Variants in VEPH1 observed in about 807,000 individuals in gnomAD.
VEPH1 encodes ventricular zone expressed PH domain containing 1, also known as ventricular zone-expressed PH domain-containing protein homolog 1.
In VEPH1, 80 loss-of-function variants were observed where a neutral mutation model predicts 85.2. That is an observed-to-expected ratio of 0.94 (90% CI 0.78 to 1.13). VEPH1 has a LOEUF of 1.13. VEPH1 is among the 50% of genes most tolerant of loss of function. The pLI, the probability that VEPH1 is intolerant of heterozygous loss-of-function variation, is 0.00. For missense variants in VEPH1, 955 were observed against 980.5 expected, an observed-to-expected ratio of 0.97 and a Z score of 0.35; for synonymous variants, 297 against 348.0, an observed-to-expected ratio of 0.85 and a Z score of 1.63.
intron 6 of VEPH1, among the ~76,000 whole-genome samples, chr3:157,392,523 T>A (rs1000451979): frequency 8.5e-5 from 13 of 152,060 alleles, no homozygotes; most frequent in East Asian, 1.9e-4. Context: ...ACATCAGGGG[T>A]GTACAATCAT....
intron 12 of VEPH1, among the ~76,000 whole-genome samples, chr3:157,269,988 C>A (rs1487516179): frequency 2.6e-5 from 4 of 151,500 alleles, no homozygotes; most frequent in African/African-American, 9.7e-5. Flanking sequence ...TGCCTGTAAT[C>A]CCAGTGCTTT....
intron 4 of VEPH1, among the ~76,000 whole-genome samples, chr3:157,456,542 T>C (rs1735398933): frequency 6.6e-6 from 1 of 152,148 alleles, no homozygotes; most frequent in African/African-American, 2.4e-5. Flanking sequence ...TTGAGTTAAT[T>C]TTTGTATGTG....
rs966736638 is a variant in VEPH1 at position 157,260,138 on chromosome 3, T to C, written c.*996A>G. 2.6e-5 allele frequency: 4 copies of C among 152,146 alleles called. No homozygotes were observed. 9.4% of individuals were successfully genotyped at this position (152,146 alleles called of 1,614,324 possible). A position where few individuals can be genotyped will look rare whatever the true frequency, so the allele number is the denominator to read the frequency against. Reference sequence around the variant, plus strand: ...TTTTGTTATATAACATAACATAATATGGGAGAGATGATCCCATCACTTTTG... The same window carrying C: ...TTTTGTTATATAACATAACATAATACGGGAGAGATGATCCCATCACTTTTG... On this transcript the variant is annotated 3_prime_UTR_variant, in exon 14 of 14. Transcript: ENST00000362010.
chr3:157,384,231 G>A (rs1199191546), intron 6 of VEPH1, among the ~76,000 whole-genome samples: 1 of 152,214 alleles, frequency 6.6e-6, no homozygotes, highest in Non-Finnish European at 1.5e-5. Flanking sequence ...TCAGAGAGAA[G>A]GCGACATTTG....
intron 12 of VEPH1, among the ~76,000 whole-genome samples, chr3:157,268,030 C>G (rs902548995): frequency 6.6e-6 from 1 of 152,172 alleles, no homozygotes; most frequent in Non-Finnish European, 1.5e-5. Context: ...AAAGCAGGAA[C>G]TCATGAAATA....
chr3:157,278,549 C>T (rs936046893), intron 12 of VEPH1, among the ~76,000 whole-genome samples: 1 of 152,226 alleles, frequency 6.6e-6, no homozygotes, highest in South Asian at 2.1e-4. Context: ...AGGGGTGGCA[C>T]AACAGATTTG....
At position 157,381,173 on chromosome 3, in the gene VEPH1, G is replaced by A. The variant is rs749457446; in HGVS notation, c.1110C>T (p.Thr370=). The A allele has an allele frequency of 3.1e-6, 5 of 1,613,472 alleles. No individual in the cohort carries two copies. The highest frequency in any genetic ancestry group is 4.2e-6 in the Non-Finnish European group (5 of 1,179,996). The change falls in exon 7 of 14, where the codon ACC becomes ACT. Residue 370 remains threonine, a synonymous_variant. Transcript: ENST00000362010. ...AKLLTRQLEN[T]KAGSGRRKIS... ...TTGCTCACCTGCCACTTCCAGCCTT[G>A]GTATTTTCCAGTTGTCGGGTAAGGA...
intron 7 of VEPH1, 89 bp downstream of exon 7, chr3:157,381,067 C>A (rs1728703335): frequency 1.5e-6 from 2 of 1,347,520 alleles, no homozygotes; most frequent in South Asian, 2.4e-5. Context: ...GTTTTAGCTT[C>A]CTTTGGAAGT....
chr3:157,332,484 C>A (rs1368648748), intron 9 of VEPH1, among the ~76,000 whole-genome samples: 1 of 152,216 alleles, frequency 6.6e-6, no homozygotes, highest in Non-Finnish European at 1.5e-5. Context: ...TAAATGGAAT[C>A]ATATAATGAG....
intron 5 of VEPH1, among the ~76,000 whole-genome samples, chr3:157,422,874 T>C (rs1371567803): frequency 1.3e-5 from 2 of 152,112 alleles, no homozygotes; most frequent in African/African-American, 4.8e-5. Context: ...CCATATGCAA[T>C]CCACAATAAA....
chr3:157,290,497 G>A (rs1375824297), intron 11 of VEPH1, among the ~76,000 whole-genome samples: 1 of 152,140 alleles, frequency 6.6e-6, no homozygotes, highest in African/African-American at 2.4e-5. Flanking sequence ...AGATTGTGCC[G>A]TGAAGAGGAA....
intron 6 of VEPH1, among the ~76,000 whole-genome samples, chr3:157,408,072 C>T (rs758180841): frequency 1.1e-4 from 17 of 152,098 alleles, no homozygotes; most frequent in Non-Finnish European, 2.2e-4. Context: ...ACAGAGAGTT[C>T]CTTGGTGGTG....
At chr3:157,279,432 AG>A (rs1715798283) in intron 12 of VEPH1, among the ~76,000 whole-genome samples, 1 of 152,090 alleles carries the variant, frequency 6.6e-6, no homozygotes, top group Admixed American at 6.5e-5. Flanking sequence ...AAGGTTAGAG[AG>A]GGTTGAGTCA....
At chr3:157,457,686 T>C (rs1735494807) in intron 4 of VEPH1, among the ~76,000 whole-genome samples, 1 of 152,236 alleles carries the variant, frequency 6.6e-6, no homozygotes, top group Admixed American at 6.5e-5. Context: ...TTTGCATATG[T>C]TCAACCAACC....
intron 7 of VEPH1, among the ~76,000 whole-genome samples, chr3:157,378,666 C>G (rs771423726): frequency 6.6e-6 from 1 of 151,996 alleles, no homozygotes; most frequent in East Asian, 1.9e-4. Flanking sequence ...AGGAATTTAC[C>G]GACTCTACCT....
intron 7 of VEPH1, among the ~76,000 whole-genome samples, chr3:157,371,524 C>T (rs924992061): frequency 6.6e-6 from 1 of 152,192 alleles, no homozygotes. Flanking sequence ...CACCTTGGAG[C>T]TTGTCAGAAG....
At chr3:157,342,049 T>G (rs1411763756) in intron 9 of VEPH1, among the ~76,000 whole-genome samples, 1 of 152,148 alleles carries the variant, frequency 6.6e-6, no homozygotes, top group Non-Finnish European at 1.5e-5. Context: ...AACAAACAAC[T>G]GCTACCAGCC....
intron 7 of VEPH1, among the ~76,000 whole-genome samples, chr3:157,369,813 C>A (rs1204494498): frequency 6.6e-6 from 1 of 152,092 alleles, no homozygotes; most frequent in Non-Finnish European, 1.5e-5. Context: ...AAACCAAGAT[C>A]TTTTCCTGAG....
intron 11 of VEPH1, among the ~76,000 whole-genome samples, chr3:157,290,624 T>C (rs1559928864): frequency 2.6e-5 from 4 of 151,878 alleles, no homozygotes; most frequent in Non-Finnish European, 5.9e-5. Context: ...ACACACAAAA[T>C]AAAACACAAA....
Sources: gnomAD v4.1 joint callset for allele counts (sites outside exome capture counted in the v4.1 genomes callset) on GRCh38, gnomAD v4.1.1 for gene constraint, MANE v1.5 for transcripts, NCBI Gene and HGNC (gene_info 2026-07-23, HGNC 2026-07-21) for gene names.